CSMD1: variants seen among roughly 807,000 people sequenced by gnomAD.
The protein encoded by CSMD1 is CUB and sushi domain-containing protein 1.
Under a neutral mutation model 417.5 loss-of-function variants are expected in CSMD1, and 213 were observed. The observed-to-expected ratio is 0.51, with a 90% confidence interval of 0.46 to 0.57. The LOEUF (loss-of-function observed/expected upper bound fraction) is 0.57. Among genes scored for constraint, CSMD1 ranks in the 20% least tolerant of loss-of-function variants. CSMD1 has a pLI of 0.00. For synonymous variants in CSMD1, 2,862 were observed against 1,736.8 expected, an observed-to-expected ratio of 1.65 and a Z score of -16.11; for missense variants, 6,923 against 4,529.7, an observed-to-expected ratio of 1.53 and a Z score of -15.17.
At chr8:4,632,565 A>G (rs897108397) in intron 2 of CSMD1, among the ~76,000 whole-genome samples, 2 of 152,066 alleles carry the variant, frequency 1.3e-5, no homozygotes, top group Non-Finnish European at 2.9e-5. Context: ...ACAGGAGAAG[A>G]CACATTCAGG....
At chr8:3,474,126 T>C (rs1301708880) in intron 11 of CSMD1, among the ~76,000 whole-genome samples, 5 of 152,150 alleles carry the variant, frequency 3.3e-5, no homozygotes, top group Non-Finnish European at 7.4e-5. Context: ...ATCAATCAGG[T>C]TGGCATGCTC....
chr8:4,892,498 A>G (rs969431250), intron 1 of CSMD1, among the ~76,000 whole-genome samples: 37 of 152,096 alleles, frequency 2.4e-4, no homozygotes, highest in African/African-American at 8.9e-4. Flanking sequence ...AATATAGTAA[A>G]TATTTGCAAA....
chr8:4,729,792 A>C (rs1434642003), intron 1 of CSMD1, among the ~76,000 whole-genome samples: 1 of 152,240 alleles, frequency 6.6e-6, no homozygotes, highest in Non-Finnish European at 1.5e-5. Context: ...ATGTATAATC[A>C]ATAATGAAAT....
In CSMD1 at chr8:4,971,300, C is replaced by T. The variant is rs527749639; in HGVS notation, c.85+23032G>A. On this transcript the variant is annotated intron_variant, in intron 1 of 69. Transcript: ENST00000635120. ...ATGCTCTCAACATGGATTTTCTACA[C>T]ATTCATGCTTAAATCATGAATTAAC... Among the ~76,000 whole-genome samples the T allele has an allele frequency of 4.6e-5, 7 of 152,158 alleles. No individual in the cohort carries two copies. The South Asian group carries it at 1.5e-3, about 32-fold the overall frequency.
At chr8:3,670,384 T>G (rs1455155416) in intron 7 of CSMD1, among the ~76,000 whole-genome samples, 1 of 151,660 alleles carries the variant, frequency 6.6e-6, no homozygotes, top group African/African-American at 2.4e-5. Flanking sequence ...AGTTTGCAGA[T>G]GGCCTATTGT....
intron 5 of CSMD1, among the ~76,000 whole-genome samples, chr8:3,996,472 T>C (rs893980811): frequency 1.3e-5 from 2 of 152,168 alleles, no homozygotes; most frequent in African/African-American, 4.8e-5. Flanking sequence ...CCTCTCTTTT[T>C]ACAAATCGAC....
At chr8:4,004,194 T>C (rs537676360) in intron 4 of CSMD1, among the ~76,000 whole-genome samples, 58 of 152,174 alleles carry the variant, frequency 3.8e-4, no homozygotes, top group African/African-American at 1.3e-3. Flanking sequence ...AGTAATATAA[T>C]TGTTATGAGG....
intron 5 of CSMD1, among the ~76,000 whole-genome samples, chr8:3,823,841 A>AC (rs1189049776): frequency 2.0e-5 from 3 of 152,198 alleles, no homozygotes; most frequent in Non-Finnish European, 4.4e-5. Context: ...AATTTAAAAA[A>AC]TTTTTAAATT....
chr8:3,329,557 T>C (rs1394830178), intron 23 of CSMD1, among the ~76,000 whole-genome samples: 1 of 152,188 alleles, frequency 6.6e-6, no homozygotes, highest in Admixed American at 6.5e-5. Context: ...CCAAGGCCTA[T>C]GCAATCACAG....
chr8:4,064,799 C>G (rs1450034794), intron 3 of CSMD1, among the ~76,000 whole-genome samples: 6 of 152,108 alleles, frequency 3.9e-5, no homozygotes, highest in Non-Finnish European at 8.8e-5. Context: ...TTCCTGTACT[C>G]CCGGTGATCT....
intron 1 of CSMD1, among the ~76,000 whole-genome samples, chr8:4,878,910 AACGACAAGGTGAAGAGG>A (rs1349052197): frequency 9.2e-4 from 140 of 151,612 alleles, no homozygotes; most frequent in Non-Finnish European, 1.5e-3. Flanking sequence ...GAGCAGAGAG[AACGACAAGGTGAAGAGG>A]ACGACAAGGT....
intron 3 of CSMD1, among the ~76,000 whole-genome samples, chr8:4,379,141 C>A (rs112609296): frequency 2.4e-4 from 37 of 152,280 alleles, no homozygotes; most frequent in African/African-American, 8.7e-4. Context: ...GATATATCAG[C>A]CCCTGTAATT....
At chr8:3,406,925 G>A (rs1381952108) in intron 14 of CSMD1, among the ~76,000 whole-genome samples, 2 of 152,144 alleles carry the variant, frequency 1.3e-5, no homozygotes, top group Non-Finnish European at 1.5e-5. Flanking sequence ...CTTGGCTCCT[G>A]ACATCATATT....
chr8:4,706,769 G>T (rs896956921), intron 1 of CSMD1, among the ~76,000 whole-genome samples: 7 of 152,204 alleles, frequency 4.6e-5, no homozygotes, highest in African/African-American at 1.7e-4. Flanking sequence ...CTCACTCAGA[G>T]GCAACAGAAG....
At chr8:3,349,620 A>G (rs1446435348) in intron 21 of CSMD1, among the ~76,000 whole-genome samples, 2 of 151,824 alleles carry the variant, frequency 1.3e-5, no homozygotes, top group Non-Finnish European at 2.9e-5. Context: ...TTAAGAAATT[A>G]CAGTAATTAT....
chr8:4,108,803 C>T (rs1488155090), intron 3 of CSMD1, among the ~76,000 whole-genome samples: 1 of 152,032 alleles, frequency 6.6e-6, no homozygotes, highest in Non-Finnish European at 1.5e-5. Context: ...GCACAAGCTC[C>T]TAAGTAGCAT....
At chr8:3,593,469 G>C (rs1408293232) in intron 8 of CSMD1, among the ~76,000 whole-genome samples, 1 of 152,150 alleles carries the variant, frequency 6.6e-6, no homozygotes, top group Admixed American at 6.5e-5. Flanking sequence ...GGCACAGGCG[G>C]GATGGAGGAG....
chr8:4,195,129 A>C (rs752920996), intron 3 of CSMD1, among the ~76,000 whole-genome samples: 12 of 152,216 alleles, frequency 7.9e-5, no homozygotes, highest in Non-Finnish European at 1.0e-4. Flanking sequence ...TTTTAAAGGA[A>C]AAATTCTACT....
chr8:4,932,179 T>C (rs1807292045), intron 1 of CSMD1, among the ~76,000 whole-genome samples: 1 of 152,228 alleles, frequency 6.6e-6, no homozygotes, highest in Non-Finnish European at 1.5e-5. Flanking sequence ...ATAGCTTTGC[T>C]ATAATTAAAA....
Sources: gnomAD v4.1 joint callset for allele counts (sites outside exome capture counted in the v4.1 genomes callset) on GRCh38, gnomAD v4.1.1 for gene constraint, MANE v1.5 for transcripts, NCBI Gene and HGNC (gene_info 2026-07-23, HGNC 2026-07-21) for gene names.